The following CCDC30 variants were observed in gnomAD, a reference collection of about 807,000 sequenced individuals.
CCDC30 encodes coiled-coil domain containing 30.
A neutral mutation model predicts 100.2 loss-of-function variants in CCDC30; 70 were observed. That is an observed-to-expected ratio of 0.70 (90% confidence interval 0.58 to 0.85). CCDC30 has a LOEUF of 0.85. Among genes scored for constraint, CCDC30 ranks in the 40% least tolerant of loss-of-function variants. CCDC30 has a pLI of 0.00. For synonymous variants in CCDC30, 233 were observed against 269.5 expected, an observed-to-expected ratio of 0.86 and a Z score of 1.33; for missense variants, 652 against 771.2, an observed-to-expected ratio of 0.85 and a Z score of 1.83.
intron 8 of CCDC30, among the ~76,000 whole-genome samples, chr1:42,577,834 G>A (rs1374040088): frequency 5.9e-5 from 9 of 151,968 alleles, no homozygotes; most frequent in African/African-American, 1.9e-4. Flanking sequence ...TAGAGATGGG[G>A]TTTCACCGTG....
At chr1:42,456,726 T>C in the CCDC30 span, 1 of 1,609,640 alleles carries the variant, frequency 6.2e-7, no homozygotes, top group Non-Finnish European at 8.5e-7. Flanking sequence ...GCGCGGCCGG[T>C]GCGCTTCCTG....
chr1:42,562,844 T>A (rs1467340050), intron 6 of CCDC30, among the ~76,000 whole-genome samples: 1 of 152,064 alleles, frequency 6.6e-6, no homozygotes, highest in East Asian at 1.9e-4. Flanking sequence ...CCAACAAACA[T>A]ATGAAGAAAA....
chr1:42,505,451 T>C (rs566082645), intron 6 of CCDC30, among the ~76,000 whole-genome samples: 107 of 152,328 alleles, frequency 7.0e-4, no homozygotes, highest in African/African-American at 2.5e-3. Flanking sequence ...AAACTAGAAT[T>C]TAATGACAAA....
At chr1:42,566,315 A>G in exon 7 of CCDC30, 1 of 1,613,512 alleles carries the variant, frequency 6.2e-7, no homozygotes, top group South Asian at 1.1e-5. Flanking sequence ...TCTGGAGAAA[A>G]ACTAAAATAC....
intron 6 of CCDC30, among the ~76,000 whole-genome samples, chr1:42,512,461 C>T (rs538959209): frequency 4.0e-5 from 6 of 151,384 alleles, no homozygotes; most frequent in Non-Finnish European, 5.9e-5. Flanking sequence ...GGGGGGAGAC[C>T]CTCTGATCCT....
chr1:42,477,996 G>A (rs529979721), intron 1 of CCDC30, among the ~76,000 whole-genome samples: 3 of 152,332 alleles, frequency 2.0e-5, no homozygotes, highest in Admixed American at 2.0e-4. Context: ...ATATTTTCAG[G>A]AACCACGTCA....
exon 12 of CCDC30, chr1:42,637,322 A>G (rs1194099552): frequency 6.3e-7 from 1 of 1,589,828 alleles, no homozygotes; most frequent in Non-Finnish European, 8.5e-7. Flanking sequence ...ACTACGAGAT[A>G]AGAGAATTAA....
intron 6 of CCDC30, among the ~76,000 whole-genome samples, chr1:42,526,273 G>A (rs1276944802): frequency 6.6e-6 from 1 of 152,092 alleles, no homozygotes; most frequent in Non-Finnish European, 1.5e-5. Context: ...TGTTTTATAA[G>A]TATTTTTCCA....
rs148063425 is a variant in CCDC30, at chr1:42,479,102, G to A, written c.-91-1359G>A. Among the ~76,000 whole-genome samples, 1,163 of 152,204 alleles carry A rather than the reference G, an allele frequency of 7.6e-3. 16 individuals are homozygous for A. The highest frequency in any genetic ancestry group is 0.027 in the African/African-American group (1,115 of 41,542). On this transcript the variant is annotated intron_variant, in intron 1 of 16. Transcript: ENST00000668663. ...AAGAAAATATATTCTTGGGCTGGACGCGATGTTTCGCACCTGTAATCTCAG... is the reference window on the plus strand; with the variant it reads ...AAGAAAATATATTCTTGGGCTGGACACGATGTTTCGCACCTGTAATCTCAG...
At chr1:42,506,873 C>G (rs934842891) in intron 6 of CCDC30, among the ~76,000 whole-genome samples, 2 of 152,188 alleles carry the variant, frequency 1.3e-5, no homozygotes, top group Admixed American at 6.5e-5. Context: ...TTAACCTTTA[C>G]TATTACGTGA....
chr1:42,589,412 C>G (rs1231873782), exon 10 of CCDC30: 1 of 1,613,660 alleles, frequency 6.2e-7, no homozygotes, highest in Non-Finnish European at 8.5e-7. Context: ...CTGTTCTCAG[C>G]AACAATCCAG....
At position 42,618,501 on chromosome 1, in the gene CCDC30, G is replaced by A. The variant is rs182628129; in HGVS notation, c.1277+7411G>A. 9.5e-4 allele frequency among the ~76,000 whole-genome samples: 145 copies of A among 152,264 alleles called. 1 individual carries two copies. Among genetic ancestry groups the A allele is most frequent in the Non-Finnish European group, 1.5e-3 (104 of 68,028 alleles). ...TCCACCTGCTTCGGCCTCCCAAAGT[G>A]CTGGGATTACAAGCGTGAGCCATCA... On this transcript the variant is annotated intron_variant, in intron 11 of 16. Transcript: ENST00000668663.
intron 8 of CCDC30, 51 bp from the exon 13 acceptor site, chr1:42,581,309 A>G (rs766323470): frequency 2.2e-5 from 32 of 1,458,070 alleles, no homozygotes; most frequent in Non-Finnish European, 2.9e-5. Flanking sequence ...TAATTTGAAA[A>G]AAGGTCACAC....
At chr1:42,514,889 G>T (rs1226201674) in intron 6 of CCDC30, among the ~76,000 whole-genome samples, 1 of 152,140 alleles carries the variant, frequency 6.6e-6, no homozygotes, top group African/African-American at 2.4e-5. Context: ...CTGACCTCAG[G>T]TGATCCACAC....
Position 42,501,950 on chromosome 1 carries a change from C to T in CCDC30, c.456+3034C>T, listed in dbSNP as rs181542378. 2.0e-3 allele frequency among the ~76,000 whole-genome samples: 299 copies of T among 152,280 alleles called. 1 individual carries two copies. Among genetic ancestry groups the T allele is most frequent in the African/African-American group, 6.3e-3 (263 of 41,564 alleles). Reference sequence around the variant, plus strand: ...CTGTCTGTTCTCAGATCTCAAACTCCGTGCTGGGAGAACCACTACTCTCTT... The same window carrying T: ...CTGTCTGTTCTCAGATCTCAAACTCTGTGCTGGGAGAACCACTACTCTCTT... On this transcript the variant is annotated intron_variant, in intron 6 of 16. Transcript: ENST00000668663.
chr1:42,589,543 A>G, intron 10 of CCDC30, 60 bp downstream of exon 14: 1 of 1,423,080 alleles, frequency 7.0e-7, no homozygotes, highest in Non-Finnish European at 9.9e-7. Context: ...ACAGCTAATT[A>G]TTATTGAGTG....
At chr1:42,490,317 G>A in intron 4 of CCDC30, 88 bp downstream of exon 4, 1 of 547,888 alleles carries the variant, frequency 1.8e-6, no homozygotes, top group Non-Finnish European at 2.7e-6. Context: ...TGGGAGGCTT[G>A]GGCCCAGGAG....
chr1:42,621,180 G>A (rs1254460094), intron 11 of CCDC30, among the ~76,000 whole-genome samples: 1 of 152,148 alleles, frequency 6.6e-6, no homozygotes, highest in Non-Finnish European at 1.5e-5. Context: ...TAGTAGGTGT[G>A]TGTATTTATG....
chr1:42,483,787 GT>G (rs774311777), intron 3 of CCDC30, among the ~76,000 whole-genome samples: 4 of 151,822 alleles, frequency 2.6e-5, no homozygotes, highest in Admixed American at 1.3e-4. Context: ...TGTTGTTATT[GT>G]TTTTTTACCA....
Sources: gnomAD v4.1 joint callset for allele counts (sites outside exome capture counted in the v4.1 genomes callset) on GRCh38, gnomAD v4.1.1 for gene constraint, MANE v1.5 for transcripts, NCBI Gene and HGNC (gene_info 2026-07-23, HGNC 2026-07-21) for gene names.